The following RELN variants were observed in gnomAD, a reference collection of about 807,000 sequenced individuals.
The protein encoded by RELN is reelin.
In RELN, 108 loss-of-function variants were observed where a neutral mutation model predicts 427.6. That is an observed-to-expected ratio of 0.25 (90% confidence interval 0.22 to 0.30). The LOEUF is 0.30. Among genes scored for constraint, RELN ranks in the 10% least tolerant of loss-of-function variants. The probability of loss-of-function intolerance (pLI) is 1.00; values close to 1 mark genes in which losing one functional copy is unlikely to be tolerated. For missense variants in RELN, 3,715 were observed against 4,302.8 expected (o/e 0.86, Z 3.82); for synonymous variants, 1,524 against 1,513.4 (o/e 1.01, Z -0.16).
At chr7:103,867,223 A>C (rs9986961) in intron 2 of RELN, among the ~76,000 whole-genome samples, 53,698 of 151,868 alleles carry the variant, frequency 0.35, 9,984 homozygotes, top group Non-Finnish European at 0.42. Flanking sequence ...ATGTGCTGTT[A>C]TCCCTGTGCA....
chr7:103,688,534 G>A (rs980123966), intron 10 of RELN, among the ~76,000 whole-genome samples: 1 of 152,074 alleles, frequency 6.6e-6, no homozygotes, highest in African/African-American at 2.4e-5. Flanking sequence ...ATTCTACCTT[G>A]AGTGTGATCT....
intron 10 of RELN, among the ~76,000 whole-genome samples, chr7:103,694,503 TGGCGAC>T (rs141079061): frequency 1.3e-4 from 20 of 150,484 alleles, no homozygotes; most frequent in African/African-American, 4.9e-4. Context: ...ATGATGATGA[TGGCGAC>T]GACGATGATG....
At chr7:103,813,149 C>G (rs1470959509) in intron 3 of RELN, among the ~76,000 whole-genome samples, 1 of 152,114 alleles carries the variant, frequency 6.6e-6, no homozygotes, top group African/African-American at 2.4e-5. Flanking sequence ...TGGAAGGTTA[C>G]TGGAAACCCT....
chr7:103,831,239 T>C (rs1793267084), intron 3 of RELN, among the ~76,000 whole-genome samples: 1 of 152,106 alleles, frequency 6.6e-6, no homozygotes, highest in Non-Finnish European at 1.5e-5. Flanking sequence ...AAGAATTCGA[T>C]TCATCCTTGC....
At chr7:103,838,297 A>G (rs39378) in intron 2 of RELN, among the ~76,000 whole-genome samples, 55,644 of 151,180 alleles carry the variant, frequency 0.37, 10,685 homozygotes, top group Non-Finnish European at 0.42. Context: ...CAGGACTGGA[A>G]AAAAAACAGA....
intron 9 of RELN, among the ~76,000 whole-genome samples, chr7:103,699,046 A>C (rs1485362189): frequency 6.6e-6 from 1 of 152,194 alleles, no homozygotes. Flanking sequence ...ATGATTTTTT[A>C]TATTACCTCT....
chr7:103,556,840 A>T, intron 38 of RELN, 137 bp downstream of exon 38: 2 of 795,234 alleles, frequency 2.5e-6, no homozygotes, highest in Middle Eastern at 4.5e-4. Context: ...ACATTTGTCA[A>T]AAGTGAAGCA....
At chr7:103,803,796 T>C (rs1043850030) in intron 3 of RELN, among the ~76,000 whole-genome samples, 3 of 152,212 alleles carry the variant, frequency 2.0e-5, no homozygotes, top group East Asian at 3.9e-4. Flanking sequence ...CTGGCAAGGT[T>C]ACAGCTCTTA....
chr7:103,496,034 CT>C, intron 56 of RELN, 136 bp from the exon 57 acceptor site: 1 of 884,470 alleles, frequency 1.1e-6, no homozygotes, highest in Non-Finnish European at 1.8e-6. Flanking sequence ...TAGCTTTCTG[CT>C]TACACTTTAG....
chr7:103,737,184 A>G (rs993250905), intron 6 of RELN, among the ~76,000 whole-genome samples: 4 of 152,204 alleles, frequency 2.6e-5, no homozygotes, highest in Admixed American at 1.3e-4. Context: ...CAGAGAAAAT[A>G]TTTATTGTGT....
chr7:103,972,602 C>T (rs1796786419), intron 1 of RELN, among the ~76,000 whole-genome samples: 1 of 151,830 alleles, frequency 6.6e-6, no homozygotes, highest in Admixed American at 6.6e-5. Context: ...CATCTGACTT[C>T]TGTTTGGAAT....
intron 36 of RELN, among the ~76,000 whole-genome samples, chr7:103,558,790 G>C (rs1830580146): frequency 6.6e-6 from 1 of 152,178 alleles, no homozygotes; most frequent in African/African-American, 2.4e-5. Context: ...AATAGCCTAA[G>C]GTCCAGACAG....
At chr7:103,773,041 G>A (rs1341805512) in intron 4 of RELN, among the ~76,000 whole-genome samples, 1 of 152,154 alleles carries the variant, frequency 6.6e-6, no homozygotes, top group African/African-American at 2.4e-5. Context: ...AGGCACTGCT[G>A]GGCCCTGATG....
chr7:103,789,888 G>A (rs1469456123), intron 3 of RELN, among the ~76,000 whole-genome samples: 1 of 151,924 alleles, frequency 6.6e-6, no homozygotes, highest in Non-Finnish European at 1.5e-5. Flanking sequence ...GCACATGTAT[G>A]TTTACTGCGG....
intron 1 of RELN, among the ~76,000 whole-genome samples, chr7:103,952,252 C>T (rs1373440200): frequency 6.6e-6 from 1 of 152,124 alleles, no homozygotes; most frequent in African/African-American, 2.4e-5. Context: ...CAGTGAGAAC[C>T]TTCAGTCTGA....
chr7:103,883,642 GACAA>G (rs1279382240), intron 2 of RELN, among the ~76,000 whole-genome samples: 4 of 152,116 alleles, frequency 2.6e-5, no homozygotes, highest in Non-Finnish European at 4.4e-5. Flanking sequence ...ACCAATAAAA[GACAA>G]ACAGAGAGTC....
intron 7 of RELN, among the ~76,000 whole-genome samples, chr7:103,724,807 T>C (rs980952905): frequency 1.3e-5 from 2 of 149,578 alleles, no homozygotes; most frequent in South Asian, 2.1e-4. Flanking sequence ...ACAGGAAAGA[T>C]GAAGGAAAAA....
Position 103,953,031 on chromosome 7 carries a change from C to T in RELN, c.227-35846G>A, listed in dbSNP as rs1349409422. Reference sequence around the variant, plus strand: ...CATAGCCACTACTGCATTCACCTCCCAATGTGCCTTATGATGGTGACTAGC... The same window carrying T: ...CATAGCCACTACTGCATTCACCTCCTAATGTGCCTTATGATGGTGACTAGC... On this transcript the variant is annotated intron_variant, in intron 1 of 64. Coordinates refer to ENST00000428762, the MANE Select transcript of RELN (RefSeq NM_005045.4). The surrounding 1 kb of genome is among the most constrained non-coding windows in gnomAD (Gnocchi z 4.3). 2.0e-5 allele frequency among the ~76,000 whole-genome samples: 3 copies of T among 152,086 alleles called. No homozygotes were observed. Among genetic ancestry groups the T allele is most frequent in the Non-Finnish European group, 4.4e-5 (3 of 68,018 alleles).
chr7:103,905,658 G>A (rs983505553), intron 2 of RELN, among the ~76,000 whole-genome samples: 4 of 151,844 alleles, frequency 2.6e-5, no homozygotes, highest in African/African-American at 7.3e-5. Context: ...TATTTATTGA[G>A]CACTGGTAAT....
Sources: allele counts gnomAD v4.1 joint callset (sites outside exome capture counted in the v4.1 genomes callset), GRCh38; gene constraint gnomAD v4.1.1; non-coding constraint Gnocchi (gnomAD v3.1); transcripts MANE v1.5; gene names NCBI Gene and HGNC (gene_info 2026-07-23, HGNC 2026-07-21).